Variants in RBFOX1 observed in about 807,000 individuals in gnomAD.
RBFOX1 encodes the protein RNA binding fox-1 homolog 1.
Under a neutral mutation model 57.7 loss-of-function variants are expected in RBFOX1, and 8 were observed. The ratio of observed to expected loss-of-function variants is 0.14; its 90% CI spans 0.08 to 0.25. RBFOX1 has a LOEUF of 0.25. Ranked by LOEUF, RBFOX1 falls within the 10% of genes least tolerant of loss-of-function variation. The pLI, the probability that RBFOX1 is intolerant of heterozygous loss-of-function variation, is 1.00. For missense variants in RBFOX1, 611 were observed against 548.5 expected (o/e 1.11, Z -1.14); for synonymous variants, 326 against 222.4 (o/e 1.47, Z -4.15).
At chr16:5,898,393 G>T (rs1249355542) in intron 4 of RBFOX1, among the ~76,000 whole-genome samples, 3 of 152,124 alleles carry the variant, frequency 2.0e-5, no homozygotes, top group Non-Finnish European at 2.9e-5. Flanking sequence ...TGACCCAGAA[G>T]ATCTGGTGGG....
At chr16:6,750,648 A>C (rs1568457386) in intron 3 of RBFOX1, among the ~76,000 whole-genome samples, 2 of 152,164 alleles carry the variant, frequency 1.3e-5, no homozygotes. Context: ...AAACACCTGC[A>C]ATTATGCTGG....
intron 1 of RBFOX1, among the ~76,000 whole-genome samples, chr16:5,330,210 T>C (rs969643929): frequency 6.6e-6 from 1 of 152,188 alleles, no homozygotes; most frequent in African/African-American, 2.4e-5. Context: ...CATTAGTCCA[T>C]TGCAGTTGCA....
rs532359128 is a variant in RBFOX1, at chr16:6,002,266, C to T, written c.351+134931C>T. 5.3e-5 allele frequency among the ~76,000 whole-genome samples: 8 copies of T among 152,292 alleles called. 1 individual carries two copies. The highest frequency in any genetic ancestry group is 4.1e-4 in the South Asian group (2 of 4,822). On this transcript the variant is annotated intron_variant, in intron 4 of 19. Transcript: ENST00000641259. Reference sequence around the variant, plus strand: ...TTCTCATTTTATAGGCATGAGCGACCGCTCGTGGCTACCATTTTCAACTTA... The same window carrying T: ...TTCTCATTTTATAGGCATGAGCGACTGCTCGTGGCTACCATTTTCAACTTA...
At chr16:7,187,434 A>G (rs1216651498) in intron 4 of RBFOX1, among the ~76,000 whole-genome samples, 1 of 151,934 alleles carries the variant, frequency 6.6e-6, no homozygotes, top group Non-Finnish European at 1.5e-5. Context: ...TCACGCCTGT[A>G]ATCCCAGCAC....
chr16:7,256,259 C>G (rs1055447232), intron 4 of RBFOX1, among the ~76,000 whole-genome samples: 6 of 152,164 alleles, frequency 3.9e-5, no homozygotes, highest in African/African-American at 1.2e-4. Context: ...CTCCCAAAAG[C>G]CAGGCCTCTG....
intron 3 of RBFOX1, among the ~76,000 whole-genome samples, chr16:6,787,145 A>T (rs2082102411): frequency 6.6e-6 from 1 of 152,194 alleles, no homozygotes; most frequent in East Asian, 1.9e-4. Context: ...CTCTCCAAGA[A>T]ACGTTGATGA....
chr16:7,096,342 C>A (rs558610871), intron 4 of RBFOX1, among the ~76,000 whole-genome samples: 2 of 152,138 alleles, frequency 1.3e-5, no homozygotes, highest in Non-Finnish European at 2.9e-5. Flanking sequence ...GATCATCTCA[C>A]CATGTCATGG....
At chr16:6,807,732 C>T (rs758465626) in intron 3 of RBFOX1, among the ~76,000 whole-genome samples, 1 of 152,044 alleles carries the variant, frequency 6.6e-6, no homozygotes, top group Non-Finnish European at 1.5e-5. Flanking sequence ...AGAAGAATCA[C>T]TTGAATCCAG....
At chr16:5,537,853 C>T (rs1368430212) in intron 2 of RBFOX1, among the ~76,000 whole-genome samples, 1 of 152,208 alleles carries the variant, frequency 6.6e-6, no homozygotes, top group Non-Finnish European at 1.5e-5. Flanking sequence ...TCTGCAAAGG[C>T]TGTTTTGCCA....
At chr16:5,248,055 T>G (rs537652418) in intron 1 of RBFOX1, among the ~76,000 whole-genome samples, 1 of 152,314 alleles carries the variant, frequency 6.6e-6, no homozygotes, top group African/African-American at 2.4e-5. Flanking sequence ...TTTCCTAAGA[T>G]GGGTCTCCAG....
intron 4 of RBFOX1, among the ~76,000 whole-genome samples, chr16:7,472,350 C>T (rs1435930147): frequency 6.6e-6 from 1 of 152,104 alleles, no homozygotes. Flanking sequence ...TCGTCAACAA[C>T]ATAAACTTTC....
chr16:5,419,185 A>G (rs560531139), intron 1 of RBFOX1, among the ~76,000 whole-genome samples: 120 of 152,246 alleles, frequency 7.9e-4, no homozygotes, highest in Middle Eastern at 3.4e-3. Flanking sequence ...AACTAATCAG[A>G]TAGATGTTTA....
chr16:7,504,152 A>G (rs1485642150), intron 4 of RBFOX1, among the ~76,000 whole-genome samples: 1 of 152,158 alleles, frequency 6.6e-6, no homozygotes, highest in Non-Finnish European at 1.5e-5. Context: ...TGGAACCATC[A>G]TGACCTGAGA....
Position 6,791,105 on chromosome 16 carries a change from C to T in RBFOX1, c.-16+136455C>T, listed in dbSNP as rs78076313. 0.023 allele frequency among the ~76,000 whole-genome samples: 3,494 copies of T among 151,954 alleles called. 258 individuals are homozygous for T. In the East Asian group the frequency reaches 0.28, roughly 12 times the overall value. On this transcript the variant is annotated intron_variant, in intron 3 of 15. Coordinates refer to ENST00000550418, the MANE Select transcript of RBFOX1 (RefSeq NM_018723.4). ...CATTTTTTGTAGGGATGGGGTTTTGCCATCTTGGCTAGGCTGATCTCAAAC... is the reference window on the plus strand; with the variant it reads ...CATTTTTTGTAGGGATGGGGTTTTGTCATCTTGGCTAGGCTGATCTCAAAC...
At chr16:7,017,154 G>T (rs2093957272) in intron 3 of RBFOX1, among the ~76,000 whole-genome samples, 1 of 152,130 alleles carries the variant, frequency 6.6e-6, no homozygotes. Flanking sequence ...CTGTTAAGGT[G>T]CAAACAGAGT....
intron 3 of RBFOX1, among the ~76,000 whole-genome samples, chr16:6,847,710 G>A (rs2093833010): frequency 6.6e-6 from 1 of 152,122 alleles, no homozygotes; most frequent in African/African-American, 2.4e-5. Flanking sequence ...GTCAGGATTA[G>A]AGCACCCATC....
chr16:7,075,745 T>TATATGCCCCCGCAGGCCTCCCA, intron 4 of RBFOX1, among the ~76,000 whole-genome samples: 1 of 152,030 alleles, frequency 6.6e-6, no homozygotes, highest in Non-Finnish European at 1.5e-5. Context: ...CACGCTCGGC[T>TATATGCCCCCGCAGGCCTCCCA]AATTTTTTTT....
chr16:6,682,674 T>TG (rs1424448843), intron 3 of RBFOX1, among the ~76,000 whole-genome samples: 1 of 151,948 alleles, frequency 6.6e-6, no homozygotes, highest in Non-Finnish European at 1.5e-5. Flanking sequence ...TGACTCTAGA[T>TG]GCCGCCATGT....
At chr16:7,201,492 G>A (rs1052197993) in intron 4 of RBFOX1, among the ~76,000 whole-genome samples, 1 of 137,654 alleles carries the variant, frequency 7.3e-6, no homozygotes, top group African/African-American at 2.7e-5. Context: ...AGACAGTTTT[G>A]CTCTTGTCGC....
Sources: allele counts gnomAD v4.1 joint callset (sites outside exome capture counted in the v4.1 genomes callset), GRCh38; gene constraint gnomAD v4.1.1; transcripts MANE v1.5; gene names NCBI Gene and HGNC (gene_info 2026-07-23, HGNC 2026-07-21).